MAML2: variants seen among roughly 807,000 people sequenced by gnomAD.
MAML2 encodes the protein mastermind like transcriptional coactivator 2.
A neutral mutation model predicts 96.1 loss-of-function variants in MAML2; 22 were observed. That is an observed-to-expected ratio of 0.23 (90% CI 0.16 to 0.33). MAML2 has a LOEUF of 0.33. MAML2 is among the 10% of genes least tolerant of loss of function. The pLI is 1.00. For missense variants in MAML2, 1,367 were observed against 1,392.4 expected (o/e 0.98, Z 0.29); for synonymous variants, 561 against 521.3 (o/e 1.08, Z -1.04).
intron 2 of MAML2, among the ~76,000 whole-genome samples, chr11:96,085,152 T>C (rs76738058): frequency 0.028 from 3,953 of 143,430 alleles, 99 homozygotes; most frequent in African/African-American, 0.063. Flanking sequence ...TCCAGAGAGC[T>C]GCCTAGGCTA....
chr11:95,977,733 G>A lies in MAML2; in HGVS notation c.*1215C>T, dbSNP rs1183883546. The A allele has an allele frequency of 4.5e-6, 1 of 224,060 alleles. No homozygotes were observed. The highest frequency in any genetic ancestry group is 8.9e-6 in the Non-Finnish European group (1 of 112,228). The allele number at this position is 224,060 out of a possible 1,614,324, so 13.9% of individuals were successfully genotyped here. On this transcript the variant is annotated 3_prime_UTR_variant, in exon 5 of 5. Transcript: ENST00000524717. Reference sequence around the variant, plus strand: ...TGGATATGAAGAGTCCATCTAGCATGTGGCAATGATTCATCACATCAGGGA... The same window carrying A: ...TGGATATGAAGAGTCCATCTAGCATATGGCAATGATTCATCACATCAGGGA...
At position 96,154,588 on chromosome 11, in the gene MAML2, C is replaced by A. The variant is rs80231154; in HGVS notation, c.514-61071G>T. 4.1e-3 allele frequency among the ~76,000 whole-genome samples: 624 copies of A among 152,262 alleles called. 2 individuals are homozygous for A. The highest frequency in any genetic ancestry group is 0.014 in the African/African-American group (600 of 41,530). On this transcript the variant is annotated intron_variant, in intron 1 of 4. Coordinates refer to ENST00000524717, the MANE Select transcript of MAML2 (RefSeq NM_032427.4). ...AGAAGTGAATAAGACCACCCAACAA[C>A]AAAGTATTTTCAGTATTGGTTGGTA...
At chr11:96,068,572 G>T (rs111920102) in intron 2 of MAML2, among the ~76,000 whole-genome samples, 4 of 151,738 alleles carry the variant, frequency 2.6e-5, no homozygotes, top group Admixed American at 1.3e-4. Flanking sequence ...TTAAAAGTAC[G>T]TATTTTAGCA....
intron 1 of MAML2, among the ~76,000 whole-genome samples, chr11:96,245,272 C>CT (rs1315723388): frequency 2.1e-5 from 3 of 139,712 alleles, no homozygotes; most frequent in African/African-American, 8.1e-5. Flanking sequence ...ACTTTTACCA[C>CT]TTTTTTCGAG....
At chr11:96,054,213 TCC>T in intron 2 of MAML2, among the ~76,000 whole-genome samples, 1 of 152,332 alleles carries the variant, frequency 6.6e-6, no homozygotes, top group African/African-American at 2.4e-5. Context: ...CTTGTCAGTG[TCC>T]TGATTCTAAG....
At chr11:96,065,342 AATATCTCCTGTGTCAGTCCTGGT>A (rs1440611133) in intron 2 of MAML2, among the ~76,000 whole-genome samples, 1 of 152,152 alleles carries the variant, frequency 6.6e-6, no homozygotes, top group East Asian at 1.9e-4. Flanking sequence ...ATTTTAAAAA[AATATCTCCTGTGTCAGTCCTGGT>A]ATACAGCACT....
chr11:96,207,759 C>T (rs1221859543), intron 1 of MAML2, among the ~76,000 whole-genome samples: 1 of 152,226 alleles, frequency 6.6e-6, no homozygotes, highest in Non-Finnish European at 1.5e-5. Flanking sequence ...ACCAACTAAT[C>T]CAAGGGCTCT....
chr11:96,027,907 T>A (rs1858550438), intron 2 of MAML2, among the ~76,000 whole-genome samples: 1 of 152,146 alleles, frequency 6.6e-6, no homozygotes, highest in Non-Finnish European at 1.5e-5. Flanking sequence ...CATTTTCGTA[T>A]TTTTTGTAGA....
intron 1 of MAML2, among the ~76,000 whole-genome samples, chr11:96,254,344 G>A (rs1484680880): frequency 2.0e-5 from 3 of 151,188 alleles, no homozygotes; most frequent in East Asian, 3.9e-4. Flanking sequence ...GGAAGGAAGT[G>A]GAAGAACCTC....
chr11:96,099,813 AT>A (rs1199320764), intron 1 of MAML2, among the ~76,000 whole-genome samples: 1 of 151,636 alleles, frequency 6.6e-6, no homozygotes. Context: ...ATTTTTATAC[AT>A]TTTTTAGTAG....
At chr11:96,084,647 CA>C (rs1294198766) in intron 2 of MAML2, among the ~76,000 whole-genome samples, 3 of 152,082 alleles carry the variant, frequency 2.0e-5, no homozygotes, top group African/African-American at 4.8e-5. Flanking sequence ...GAGGCTGGTT[CA>C]AAATTGGTCT....
At chr11:96,065,440 CACAG>C (rs1328022818) in intron 2 of MAML2, among the ~76,000 whole-genome samples, 1 of 151,944 alleles carries the variant, frequency 6.6e-6, no homozygotes, top group East Asian at 1.9e-4. Context: ...CACACACACA[CACAG>C]GAAAGAAAAT....
chr11:96,022,161 G>A (rs1379660111), intron 2 of MAML2, among the ~76,000 whole-genome samples: 1 of 152,180 alleles, frequency 6.6e-6, no homozygotes, highest in Non-Finnish European at 1.5e-5. Flanking sequence ...ACAGGTCAGG[G>A]CACCCTGAAG....
At chr11:96,167,172 G>A (rs534327162) in intron 1 of MAML2, among the ~76,000 whole-genome samples, 1 of 152,232 alleles carries the variant, frequency 6.6e-6, no homozygotes, top group African/African-American at 2.4e-5. Context: ...TAATGCCATT[G>A]CCATTTGTGT....
chr11:96,107,555 G>A (rs556360097), intron 1 of MAML2, among the ~76,000 whole-genome samples: 9 of 152,318 alleles, frequency 5.9e-5, no homozygotes, highest in Admixed American at 2.6e-4. Flanking sequence ...TCTCTAACAT[G>A]ATAAGTGTTT....
chr11:96,087,248 C>A (rs537837674), intron 2 of MAML2, among the ~76,000 whole-genome samples: 5 of 152,292 alleles, frequency 3.3e-5, no homozygotes, highest in Admixed American at 1.3e-4. Context: ...TGCTAATTTT[C>A]CAATTATGAT....
intron 1 of MAML2, among the ~76,000 whole-genome samples, chr11:96,235,429 A>C (rs750437330): frequency 6.6e-6 from 1 of 152,212 alleles, no homozygotes; most frequent in Non-Finnish European, 1.5e-5. Context: ...TAATAGAACA[A>C]GTTTGCTGAC....
At chr11:96,076,424 T>C (rs1229818805) in intron 2 of MAML2, among the ~76,000 whole-genome samples, 1 of 88,838 alleles carries the variant, frequency 1.1e-5, no homozygotes, top group Non-Finnish European at 2.3e-5. Context: ...TTTGTCTCTC[T>C]CTCTCTCTCA....
chr11:96,160,807 A>C (rs1482225017), intron 1 of MAML2, among the ~76,000 whole-genome samples: 4 of 152,254 alleles, frequency 2.6e-5, no homozygotes, highest in Non-Finnish European at 2.9e-5. Flanking sequence ...AATAAGGAAT[A>C]GAATCTATGT....
Sources: allele counts gnomAD v4.1 joint callset (sites outside exome capture counted in the v4.1 genomes callset), GRCh38; gene constraint gnomAD v4.1.1; transcripts MANE v1.5; gene names NCBI Gene and HGNC (gene_info 2026-07-23, HGNC 2026-07-21).